NXPE2: variants seen among roughly 807,000 people sequenced by gnomAD.
NXPE2 encodes the protein neurexophilin and PC-esterase domain family member 2, also known as NXPE family member 2.
Under a neutral mutation model 34.4 loss-of-function variants are expected in NXPE2, and 34 were observed. That is an observed-to-expected ratio of 0.99 (90% confidence interval 0.75 to 1.31). The LOEUF (loss-of-function observed/expected upper bound fraction) is 1.31. Ranked by LOEUF, NXPE2 falls within the 40% of genes most tolerant of loss-of-function variation. NXPE2 has a pLI of 0.00. For missense variants in NXPE2, 649 were observed against 672.5 expected, an observed-to-expected ratio of 0.97 and a Z score of 0.39; for synonymous variants, 235 against 231.3, an observed-to-expected ratio of 1.02 and a Z score of -0.15.
the NXPE2 span, among the ~76,000 whole-genome samples, chr11:114,786,864 G>A: frequency 6.6e-6 from 1 of 152,080 alleles, no homozygotes; most frequent in Admixed American, 6.5e-5. Flanking sequence ...CCGTACAGTG[G>A]TGCACACATA....
chr11:114,799,970 C>T, the NXPE2 span, among the ~76,000 whole-genome samples: 2 of 112,488 alleles, frequency 1.8e-5, no homozygotes, highest in Admixed American at 8.5e-5. Flanking sequence ...CCTCTGTCTC[C>T]CTCCTCCCTC....
Position 114,706,535 on chromosome 11 carries a change from A to G in NXPE2, c.1285A>G (p.Asn429Asp). The G allele has an allele frequency of 1.3e-6, 2 of 1,551,888 alleles. No homozygotes were observed. The highest frequency in any genetic ancestry group is 1.7e-6 in the Non-Finnish European group (2 of 1,147,000). The part of the protein sequence containing the change: ...TKKLFSVKDE[N>D]YIPREIDQVA... ...AAAATTATTCTCAGTGAAAGATGAA[A>G]ACTATATCCCACGGGAAATTGACCA... Residue 429 changes from asparagine to aspartate, a missense_variant, in exon 6 of 6, where the codon AAC (asparagine) becomes GAC (aspartate). Coordinates refer to ENST00000389586, the MANE Select transcript of NXPE2 (RefSeq NM_182495.6).
chr11:114,465,255 A>T, the NXPE2 span, among the ~76,000 whole-genome samples: 2 of 152,220 alleles, frequency 1.3e-5, no homozygotes, highest in East Asian at 3.9e-4. Flanking sequence ...CCTACATGAA[A>T]ATAACTCCAG....
At chr11:114,466,783 C>T in the NXPE2 span, among the ~76,000 whole-genome samples, 1 of 151,750 alleles carries the variant, frequency 6.6e-6, no homozygotes, top group African/African-American at 2.4e-5. Context: ...TTTTCTTCCT[C>T]TTCTTCAGGA....
the NXPE2 span, among the ~76,000 whole-genome samples, chr11:114,804,048 T>C: frequency 6.6e-6 from 1 of 152,328 alleles, no homozygotes; most frequent in Non-Finnish European, 1.5e-5. Context: ...CTCCTCTATA[T>C]CTACTCTACA....
the NXPE2 span, among the ~76,000 whole-genome samples, chr11:114,724,224 G>A: frequency 2.0e-5 from 3 of 152,078 alleles, no homozygotes; most frequent in Non-Finnish European, 4.4e-5. Context: ...TTAATTCCAG[G>A]TCTGTACAAT....
At chr11:114,588,836 A>C in the NXPE2 span, among the ~76,000 whole-genome samples, 1 of 152,164 alleles carries the variant, frequency 6.6e-6, no homozygotes, top group Non-Finnish European at 1.5e-5. Flanking sequence ...GATTCAGTAG[A>C]GGGACAGCTC....
the NXPE2 span, among the ~76,000 whole-genome samples, chr11:114,631,006 T>C: frequency 6.6e-5 from 10 of 151,062 alleles, 1 homozygote; most frequent in Admixed American, 2.6e-4. Flanking sequence ...ATGGCAATCA[T>C]TAAAAAGTCA....
intron 2 of NXPE2, among the ~76,000 whole-genome samples, chr11:114,685,902 G>T (rs546982505): frequency 2.0e-5 from 3 of 152,078 alleles, no homozygotes; most frequent in South Asian, 2.1e-4. Flanking sequence ...ATACATGTTT[G>T]CCAGAGGTTA....
the NXPE2 span, among the ~76,000 whole-genome samples, chr11:114,566,537 G>C: frequency 0.21 from 31,667 of 152,124 alleles, 4,373 homozygotes; most frequent in African/African-American, 0.38. Flanking sequence ...CATTAGTACC[G>C]CTGGCAGGAG....
chr11:114,578,526 A>G, the NXPE2 span, among the ~76,000 whole-genome samples: 1 of 152,186 alleles, frequency 6.6e-6, no homozygotes, highest in African/African-American at 2.4e-5. Context: ...ATCACAATTT[A>G]AAGCTCTTCC....
rs952481685 is a variant in NXPE2 at position 114,706,441 on chromosome 11, T to G, written c.1191T>G (p.His397Gln). The G allele has an allele frequency of 1.2e-5, 18 of 1,551,080 alleles. No individual in the cohort carries two copies. Among genetic ancestry groups the G allele is most frequent in the Non-Finnish European group, 1.5e-5 (17 of 1,146,684 alleles). Reference protein sequence around the residue: ...DHHGAGIFKTHVLLDVERHIL... With the variant: ...DHHGAGIFKTQVLLDVERHIL... ...ATGGAGCTGGGATCTTTAAAACACA[T>G]GTTCTTCTGGATGTTGAAAGACATA... Residue 397 changes from histidine (H) to glutamine (Q), a missense_variant, in exon 6 of 6, where the codon CAT becomes CAG. Transcript: ENST00000389586.
chr11:114,632,704 A>G, the NXPE2 span, among the ~76,000 whole-genome samples: 1 of 79,318 alleles, frequency 1.3e-5, no homozygotes, highest in African/African-American at 5.1e-5. Flanking sequence ...ATATTTATAT[A>G]ATATAATATA....
the NXPE2 span, among the ~76,000 whole-genome samples, chr11:114,620,390 C>CAATA: frequency 6.6e-6 from 1 of 152,056 alleles, no homozygotes; most frequent in Non-Finnish European, 1.5e-5. Context: ...CGTGGGTAAC[C>CAATA]ACTGTTACCC....
At chr11:114,745,064 CAAG>C in the NXPE2 span, among the ~76,000 whole-genome samples, 1 of 151,878 alleles carries the variant, frequency 6.6e-6, no homozygotes, top group Non-Finnish European at 1.5e-5. Flanking sequence ...AAAATGCAAA[CAAG>C]AATAATAAAA....
the NXPE2 span, among the ~76,000 whole-genome samples, chr11:114,475,283 G>A: frequency 3.3e-5 from 4 of 119,626 alleles, no homozygotes; most frequent in Non-Finnish European, 4.9e-5. Flanking sequence ...TCGCTCTGTC[G>A]CCCAGGCTAG....
the NXPE2 span, among the ~76,000 whole-genome samples, chr11:114,633,186 A>T: frequency 7.8e-6 from 1 of 128,394 alleles, no homozygotes; most frequent in African/African-American, 3.0e-5. Context: ...ATATGATTAT[A>T]TTTTATTATG....
the NXPE2 span, among the ~76,000 whole-genome samples, chr11:114,465,419 ATAAAAT>A: frequency 1.3e-5 from 2 of 152,204 alleles, no homozygotes; most frequent in East Asian, 1.9e-4. Context: ...TTTCATTTAA[ATAAAAT>A]TAAAAGACCT....
the NXPE2 span, among the ~76,000 whole-genome samples, chr11:114,721,332 T>C: frequency 2.4e-4 from 37 of 151,494 alleles, no homozygotes; most frequent in African/African-American, 8.2e-4. Context: ...AGCAGGACCA[T>C]AATGGAATGA....
Sources: allele counts gnomAD v4.1 joint callset (sites outside exome capture counted in the v4.1 genomes callset), GRCh38; gene constraint gnomAD v4.1.1; transcripts MANE v1.5; gene names NCBI Gene and HGNC (gene_info 2026-07-23, HGNC 2026-07-21).